The following ADK variants were observed in gnomAD, a reference collection of about 807,000 sequenced individuals.
ADK encodes the protein N6,N6-dimethyladenosine kinase.
A neutral mutation model predicts 44.7 loss-of-function variants in ADK; 24 were observed. The observed-to-expected ratio is 0.54, with a 90% CI of 0.39 to 0.76. ADK has a LOEUF of 0.76. ADK is among the 30% of genes least tolerant of loss of function. The probability of loss-of-function intolerance (pLI) is 0.00; values close to 1 mark genes in which losing one functional copy is unlikely to be tolerated. For synonymous variants in ADK, 128 were observed against 142.6 expected (o/e 0.90, Z 0.73); for missense variants, 321 against 425.1 (o/e 0.76, Z 2.15).
chr10:74,324,501 C>T (rs1840940823), intron 4 of ADK, among the ~76,000 whole-genome samples: 1 of 152,196 alleles, frequency 6.6e-6, no homozygotes, highest in Non-Finnish European at 1.5e-5. Flanking sequence ...GATTATGTAG[C>T]ATTTGTCTTT....
At chr10:74,438,927 G>A (rs1361775569) in intron 6 of ADK, among the ~76,000 whole-genome samples, 3 of 151,892 alleles carry the variant, frequency 2.0e-5, no homozygotes, top group Non-Finnish European at 4.4e-5. Context: ...TATTTTTTAC[G>A]TTAGACTACC....
At chr10:74,360,548 C>G (rs991440665) in intron 4 of ADK, among the ~76,000 whole-genome samples, 4 of 152,090 alleles carry the variant, frequency 2.6e-5, no homozygotes, top group African/African-American at 4.8e-5. Flanking sequence ...CACACTTGCT[C>G]TCTCTCATGC....
intron 9 of ADK, among the ~76,000 whole-genome samples, chr10:74,659,543 A>G (rs542033157): frequency 6.6e-6 from 1 of 152,370 alleles, no homozygotes; most frequent in East Asian, 1.9e-4. Flanking sequence ...TGAATCTCCT[A>G]TACTCAAAGG....
chr10:74,327,767 A>G (rs951674276), intron 4 of ADK, among the ~76,000 whole-genome samples: 2 of 152,194 alleles, frequency 1.3e-5, no homozygotes, highest in Non-Finnish European at 2.9e-5. Flanking sequence ...GTTGTCTACT[A>G]TGATTGTTTT....
At chr10:74,630,016 A>T (rs1853353352) in intron 9 of ADK, among the ~76,000 whole-genome samples, 1 of 152,206 alleles carries the variant, frequency 6.6e-6, no homozygotes, top group Non-Finnish European at 1.5e-5. Flanking sequence ...AATTTAACAT[A>T]TGCACAGATT....
chr10:74,280,565 C>T (rs1846898105), intron 3 of ADK, among the ~76,000 whole-genome samples: 1 of 152,134 alleles, frequency 6.6e-6, no homozygotes, highest in Non-Finnish European at 1.5e-5. Flanking sequence ...ACCCCTATGC[C>T]CAGCTCTAAA....
chr10:74,461,164 A>G (rs571393230), intron 6 of ADK, among the ~76,000 whole-genome samples: 9 of 152,096 alleles, frequency 5.9e-5, no homozygotes, highest in African/African-American at 1.7e-4. Context: ...TTTTTAAACA[A>G]TGCCATTTAA....
intron 8 of ADK, 88 bp downstream of exon 8, chr10:74,589,405 C>G: frequency 7.6e-7 from 1 of 1,319,484 alleles, no homozygotes; most frequent in Non-Finnish European, 1.1e-6. Flanking sequence ...GATTGATGTG[C>G]TATTATACTC....
intron 7 of ADK, among the ~76,000 whole-genome samples, chr10:74,531,222 C>G (rs912464409): frequency 8.5e-5 from 13 of 152,142 alleles, no homozygotes; most frequent in East Asian, 5.8e-4. Context: ...TCCTATCCTA[C>G]TAGTCAGAGT....
intron 6 of ADK, among the ~76,000 whole-genome samples, chr10:74,413,680 C>T (rs538517543): frequency 6.9e-4 from 105 of 152,312 alleles, no homozygotes; most frequent in South Asian, 3.7e-3. Context: ...TTCATGCGTT[C>T]ACTGGAGTAG....
intron 3 of ADK, among the ~76,000 whole-genome samples, chr10:74,229,856 G>A (rs911657298): frequency 2.6e-5 from 4 of 151,942 alleles, no homozygotes; most frequent in African/African-American, 7.3e-5. Context: ...GGACAATATA[G>A]TGAGACTCTT....
intron 1 of ADK, among the ~76,000 whole-genome samples, chr10:74,174,156 A>C (rs796601022): frequency 7.9e-5 from 12 of 151,188 alleles, no homozygotes; most frequent in African/African-American, 2.7e-4. Context: ...CACGAAAAAA[A>C]AATTAGCTAG....
At chr10:74,220,012 CTA>C (rs1388335492) in intron 2 of ADK, among the ~76,000 whole-genome samples, 2 of 149,334 alleles carry the variant, frequency 1.3e-5, no homozygotes, top group Non-Finnish European at 3.0e-5. Context: ...CAAGAAATAA[CTA>C]AAATCAGAGC....
chr10:74,705,564 C>G (rs1856573260), intron 10 of ADK, among the ~76,000 whole-genome samples: 1 of 152,154 alleles, frequency 6.6e-6, no homozygotes, highest in Non-Finnish European at 1.5e-5. Flanking sequence ...TGGATTGTTT[C>G]CAGTTTGGGG....
chr10:74,224,937 T>C (rs1336816450), intron 3 of ADK, among the ~76,000 whole-genome samples: 1 of 152,146 alleles, frequency 6.6e-6, no homozygotes, highest in Non-Finnish European at 1.5e-5. Context: ...AAGTAAAAAA[T>C]AAAAATAAAT....
chr10:74,703,868 A>G (rs1391878522), intron 10 of ADK, among the ~76,000 whole-genome samples: 1 of 152,186 alleles, frequency 6.6e-6, no homozygotes, highest in East Asian at 1.9e-4. Flanking sequence ...AATTGTATGC[A>G]GAGAAAGAGT....
chr10:74,335,126 G>A (rs1841362229), intron 4 of ADK, among the ~76,000 whole-genome samples: 1 of 152,170 alleles, frequency 6.6e-6, no homozygotes, highest in Non-Finnish European at 1.5e-5. Context: ...ATTTGTGCTG[G>A]TCTACCTGCC....
intron 8 of ADK, among the ~76,000 whole-genome samples, chr10:74,590,551 A>G (rs1248114360): frequency 6.6e-6 from 1 of 152,182 alleles, no homozygotes; most frequent in Non-Finnish European, 1.5e-5. Flanking sequence ...TGAAGATCCT[A>G]TAAAAGAACT....
intron 3 of ADK, among the ~76,000 whole-genome samples, chr10:74,253,085 C>T (rs1845704256): frequency 6.6e-6 from 1 of 152,188 alleles, no homozygotes; most frequent in Non-Finnish European, 1.5e-5. Flanking sequence ...AGGTGAGCCC[C>T]AAAGTGGGGC....
Sources: gnomAD v4.1 joint callset for allele counts (sites outside exome capture counted in the v4.1 genomes callset) on GRCh38, gnomAD v4.1.1 for gene constraint, MANE v1.5 for transcripts, NCBI Gene and HGNC (gene_info 2026-07-23, HGNC 2026-07-21) for gene names.